The following GMDS variants were observed in gnomAD, a reference collection of about 807,000 sequenced individuals.
The protein encoded by GMDS is GDP-mannose 4,6 dehydratase.
In GMDS, 20 loss-of-function variants were observed where a neutral mutation model predicts 49.9. The ratio of observed to expected loss-of-function variants is 0.40; its 90% CI spans 0.28 to 0.58. The LOEUF is 0.58. GMDS is among the 20% of genes least tolerant of loss of function. The probability of loss-of-function intolerance (pLI) is 0.42; values close to 1 mark genes in which losing one functional copy is unlikely to be tolerated. For missense variants in GMDS, 362 were observed against 481.4 expected (o/e 0.75, Z 2.32); for synonymous variants, 177 against 178.6 (o/e 0.99, Z 0.07).
intron 9 of GMDS, among the ~76,000 whole-genome samples, chr6:1,638,116 G>A (rs1179762512): frequency 6.6e-6 from 1 of 152,210 alleles, no homozygotes; most frequent in Non-Finnish European, 1.5e-5. Flanking sequence ...GAGAGAATGT[G>A]CTTCTGCGCT....
At chr6:1,731,892 G>A (rs114684107) in intron 8 of GMDS, among the ~76,000 whole-genome samples, 2,534 of 152,312 alleles carry the variant, frequency 0.017, 57 homozygotes, top group African/African-American at 0.057. Context: ...CAGCCCAACC[G>A]GGGTTTGAGA....
intron 1 of GMDS, among the ~76,000 whole-genome samples, chr6:2,132,508 A>T (rs1562084759): frequency 6.6e-6 from 1 of 152,230 alleles, no homozygotes; most frequent in African/African-American, 2.4e-5. Context: ...ACATGTGGAC[A>T]GCATGAGAAT....
intron 7 of GMDS, among the ~76,000 whole-genome samples, chr6:1,922,807 C>T (rs1761786524): frequency 6.6e-6 from 1 of 152,224 alleles, no homozygotes; most frequent in Non-Finnish European, 1.5e-5. Flanking sequence ...TAGCTCCCGT[C>T]TCTGCTGAGA....
chr6:2,107,688 C>T (rs533075923), intron 4 of GMDS, among the ~76,000 whole-genome samples: 7 of 152,222 alleles, frequency 4.6e-5, no homozygotes, highest in South Asian at 4.1e-4. Context: ...ATTACTTGAC[C>T]GTAGAGGTTT....
intron 1 of GMDS, among the ~76,000 whole-genome samples, chr6:2,133,207 A>G (rs965791882): frequency 6.6e-5 from 10 of 152,170 alleles, no homozygotes; most frequent in African/African-American, 2.4e-4. Context: ...TAAATTTGGA[A>G]GGAAAAAAAC....
At chr6:1,918,492 A>G (rs1761527495) in intron 7 of GMDS, among the ~76,000 whole-genome samples, 1 of 151,656 alleles carries the variant, frequency 6.6e-6, no homozygotes, top group African/African-American at 2.4e-5. Flanking sequence ...CATACCTATA[A>G]TCCAGTCCTT....
chr6:1,963,268 G>A (rs1448541223), intron 4 of GMDS, among the ~76,000 whole-genome samples: 1 of 151,866 alleles, frequency 6.6e-6, no homozygotes, highest in Non-Finnish European at 1.5e-5. Flanking sequence ...GCAAACTATA[G>A]CCTCAAAACC....
intron 7 of GMDS, among the ~76,000 whole-genome samples, chr6:1,853,530 A>AAT (rs1757806165): frequency 6.6e-6 from 1 of 151,100 alleles, no homozygotes; most frequent in African/African-American, 2.4e-5. Flanking sequence ...AAAAAAAAAA[A>AAT]AAAAAAAAAA....
chr6:1,808,298 C>T (rs547723441), intron 7 of GMDS, among the ~76,000 whole-genome samples: 7 of 152,286 alleles, frequency 4.6e-5, no homozygotes, highest in African/African-American at 1.2e-4. Context: ...TATGATGAGG[C>T]TTGGCTAAGT....
At chr6:1,928,728 G>T (rs1762141850) in intron 7 of GMDS, among the ~76,000 whole-genome samples, 1 of 152,130 alleles carries the variant, frequency 6.6e-6, no homozygotes, top group Admixed American at 6.5e-5. Context: ...CAGCACTTTG[G>T]GAGGCTAAGG....
At chr6:1,989,386 A>G (rs993477724) in intron 4 of GMDS, among the ~76,000 whole-genome samples, 33 of 152,210 alleles carry the variant, frequency 2.2e-4, no homozygotes, top group Admixed American at 7.2e-4. Context: ...AAGGTCAGGG[A>G]AAAAAGAGAG....
At chr6:1,869,430 G>A (rs567447449) in intron 7 of GMDS, among the ~76,000 whole-genome samples, 1 of 152,272 alleles carries the variant, frequency 6.6e-6, no homozygotes, top group South Asian at 2.1e-4. Flanking sequence ...GGTTTAGACA[G>A]CAAAGAAGAG....
At chr6:2,053,732 A>T (rs1770608386) in intron 4 of GMDS, among the ~76,000 whole-genome samples, 1 of 151,950 alleles carries the variant, frequency 6.6e-6, no homozygotes, top group African/African-American at 2.4e-5. Context: ...ACTGAGAAAA[A>T]TTTTTTCCAG....
intron 7 of GMDS, among the ~76,000 whole-genome samples, chr6:1,875,197 T>C (rs995509959): frequency 3.3e-5 from 5 of 152,170 alleles, no homozygotes; most frequent in Non-Finnish European, 5.9e-5. Flanking sequence ...TAAATTTAAA[T>C]TAAGAGAACC....
At chr6:1,887,748 C>G (rs1759674909) in intron 7 of GMDS, among the ~76,000 whole-genome samples, 1 of 152,178 alleles carries the variant, frequency 6.6e-6, no homozygotes, top group South Asian at 2.1e-4. Context: ...TCAGTATTTA[C>G]AGAGGATCGG....
chr6:2,039,295 T>C (rs1325270242), intron 4 of GMDS, among the ~76,000 whole-genome samples: 2 of 152,046 alleles, frequency 1.3e-5, no homozygotes, highest in Non-Finnish European at 2.9e-5. Context: ...GAGTGGTGAG[T>C]TGATGTGAAG....
At chr6:1,784,806 T>G (rs1769255909) in intron 7 of GMDS, among the ~76,000 whole-genome samples, 1 of 152,232 alleles carries the variant, frequency 6.6e-6, no homozygotes, top group Admixed American at 6.5e-5. Context: ...TTTGCTTATG[T>G]GTAAAGTGCA....
At chr6:1,843,106 C>CATAAAATAAA (rs1757217194) in intron 7 of GMDS, among the ~76,000 whole-genome samples, 1 of 23,972 alleles carries the variant, frequency 4.2e-5, no homozygotes, top group Non-Finnish European at 1.2e-4. Flanking sequence ...TAAGACCCTG[C>CATAAAATAAA]ATCAAATAAA....
At chr6:1,828,540 A>C (rs1771225994) in intron 7 of GMDS, among the ~76,000 whole-genome samples, 1 of 152,216 alleles carries the variant, frequency 6.6e-6, no homozygotes. Context: ...AAAAGCAGCA[A>C]AACAGTAACA....
Sources: allele counts gnomAD v4.1 joint callset (sites outside exome capture counted in the v4.1 genomes callset), GRCh38; gene constraint gnomAD v4.1.1; transcripts MANE v1.5; gene names NCBI Gene and HGNC (gene_info 2026-07-23, HGNC 2026-07-21).